Variants in DUSP12 observed in about 807,000 individuals in gnomAD.
DUSP12 encodes dual specificity phosphatase 12.
A neutral mutation model predicts 38.9 loss-of-function variants in DUSP12; 25 were observed. The observed-to-expected ratio is 0.64, with a 90% CI of 0.47 to 0.90. The LOEUF (loss-of-function observed/expected upper bound fraction) is 0.90. Ranked by LOEUF, DUSP12 falls within the 40% of genes least tolerant of loss-of-function variation. The pLI is 0.00. For synonymous variants in DUSP12, 153 were observed against 153.9 expected (o/e 0.99, Z 0.05); for missense variants, 403 against 427.0 (o/e 0.94, Z 0.50).
At chr1:161,756,476 T>A (rs1343948829) in intron 5 of DUSP12, among the ~76,000 whole-genome samples, 1 of 131,752 alleles carries the variant, frequency 7.6e-6, no homozygotes, top group Non-Finnish European at 1.6e-5. Context: ...ACAAACTGAT[T>A]TAAAAGCTAT....
At chr1:161,753,365 A>G in intron 5 of DUSP12, 104 bp downstream of exon 5, 5 of 941,242 alleles carry the variant, frequency 5.3e-6, no homozygotes, top group Non-Finnish European at 6.0e-6. Context: ...CCATTTCTTA[A>G]TTTCTTTATT....
intron 1 of DUSP12, among the ~76,000 whole-genome samples, 157 bp downstream of exon 1, chr1:161,750,302 A>G (rs1478638192): frequency 6.6e-6 from 1 of 152,186 alleles, no homozygotes; most frequent in East Asian, 1.9e-4. Flanking sequence ...CCAAGAGAGG[A>G]GGAGGGTTGA....
chr1:161,753,064 G>T lies in DUSP12; in HGVS notation c.675-11G>T. The T allele has an allele frequency of 6.3e-7, 1 of 1,585,088 alleles. No homozygotes were observed. Among genetic ancestry groups the T allele is most frequent in the Non-Finnish European group, 8.6e-7 (1 of 1,165,044 alleles). On this transcript the variant is annotated splice_polypyrimidine_tract_variant and intron_variant, in intron 4 of 5. Coordinates refer to ENST00000367943, the MANE Select transcript of DUSP12 (RefSeq NM_007240.3). ...AAGTCATTAATGCTTTTGTTTGTTT[G>T]GGGGTTGCAGGCGATCATTATTTCG...
At chr1:161,750,177 C>G in intron 1 of DUSP12, 32 bp downstream of exon 1, 1 of 1,581,702 alleles carries the variant, frequency 6.3e-7, no homozygotes, top group South Asian at 1.1e-5. Flanking sequence ...TGACGTGCCC[C>G]GCCAAGCTTC....
chr1:161,753,431 C>T, intron 5 of DUSP12, 170 bp downstream of exon 5: 1 of 505,804 alleles, frequency 2.0e-6, no homozygotes, highest in Non-Finnish European at 3.1e-6. Context: ...AAATATTTTT[C>T]AAAAACCAGC....
intron 5 of DUSP12, among the ~76,000 whole-genome samples, chr1:161,754,658 A>G (rs1019343171): frequency 2.0e-5 from 3 of 152,156 alleles, no homozygotes; most frequent in Non-Finnish European, 4.4e-5. Flanking sequence ...ACACTTATAA[A>G]ACCATCAGAT....
intron 1 of DUSP12, 111 bp from the exon 2 acceptor site, chr1:161,751,557 A>G: frequency 7.4e-7 from 1 of 1,355,024 alleles, no homozygotes; most frequent in African/African-American, 1.5e-5. Flanking sequence ...TTATTTGAGA[A>G]GCAAAAATGA....
Position 161,756,943 on chromosome 1 carries a change from T to C in DUSP12, c.1019T>C (p.Ile340Thr). 1 of 1,611,524 alleles carries C rather than the reference T, an allele frequency of 6.2e-7. No homozygotes were observed. Among genetic ancestry groups the C allele is most frequent in the South Asian group, 1.1e-5 (1 of 90,804 alleles). Reference protein sequence around the residue: ...LPVLGSQTGKI With the variant: ...LPVLGSQTGKT ...GTTTTGGGATCACAAACAGGAAAAATATGAACATGATATTTTATAGCTTGG... is the reference window on the plus strand; with the variant it reads ...GTTTTGGGATCACAAACAGGAAAAACATGAACATGATATTTTATAGCTTGG... The change falls in exon 6 of 6, where the codon ATA becomes ACA. Residue 340 changes from isoleucine to threonine, a missense_variant. Ile to Thr is a moderately conservative substitution (Grantham distance 89). Coordinates refer to ENST00000367943, the MANE Select transcript of DUSP12 (RefSeq NM_007240.3).
At chr1:161,753,330 G>A in intron 5 of DUSP12, 69 bp downstream of exon 5, 1 of 1,327,286 alleles carries the variant, frequency 7.5e-7, no homozygotes, top group Non-Finnish European at 1.0e-6. Flanking sequence ...TGCATTTTAA[G>A]CTCTATTTTA....
In DUSP12 at chr1:161,749,944, T is replaced by G. The variant is rs752113173; in HGVS notation, c.143T>G (p.Leu48Arg). The change falls in exon 1 of 6, where the codon CTG becomes CGG. Residue 48 changes from leucine (L) to arginine (R), a missense_variant. Physicochemically the swap from Leu to Arg is moderately radical, Grantham distance 102. Coordinates refer to ENST00000367943, the MANE Select transcript of DUSP12 (RefSeq NM_007240.3). ...GCGGCCGTCGCGGAGCCAGATCACC[T>G]GAGGGAAGCGGGCATCACGGCCGTG... is the stretch of plus-strand genomic sequence containing the variant. ...GAAAVAEPDH[L>R]REAGITAVLT... 8 of 1,613,970 alleles carry G rather than the reference T, an allele frequency of 5.0e-6. No individual in the cohort carries two copies. The highest frequency in any genetic ancestry group is 6.8e-6 in the Non-Finnish European group (8 of 1,179,910).
chr1:161,756,962 A>G lies in DUSP12; in HGVS notation c.*15A>G. 1 of 1,607,166 alleles carries G rather than the reference A, an allele frequency of 6.2e-7. No homozygotes were observed. Among genetic ancestry groups the G allele is most frequent in the Non-Finnish European group, 8.5e-7 (1 of 1,174,980 alleles). On this transcript the variant is annotated 3_prime_UTR_variant, in exon 6 of 6. Transcript: ENST00000367943. ...GAAAAATATGAACATGATATTTTAT[A>G]GCTTGGGAAGAAACTTGCAGATGAT... is the stretch of plus-strand genomic sequence containing the variant.
chr1:161,749,819 C>T lies in DUSP12; in HGVS notation c.18C>T (p.Gly6=). The change falls in exon 1 of 6, where the codon GGC becomes GGT. Residue 6 remains glycine (G), a synonymous_variant. Coordinates refer to ENST00000367943, the MANE Select transcript of DUSP12 (RefSeq NM_007240.3). MLEAP[G]PSDGCELSNP... is the part of the protein sequence containing the mutation. ...GCGCGGCCATGTTGGAGGCTCCGGG[C>T]CCGAGTGATGGCTGCGAGCTCAGCA... The T allele has an allele frequency of 1.3e-6, 2 of 1,582,836 alleles. No homozygotes were observed. Among genetic ancestry groups the T allele is most frequent in the Non-Finnish European group, 1.7e-6 (2 of 1,165,286 alleles).
intron 5 of DUSP12, among the ~76,000 whole-genome samples, chr1:161,755,640 T>C (rs1684096384): frequency 6.6e-6 from 1 of 152,230 alleles, no homozygotes; most frequent in African/African-American, 2.4e-5. Flanking sequence ...TTTTCTTTTC[T>C]ATAAATTGCT....
chr1:161,750,090 T>G lies in DUSP12; in HGVS notation c.289T>G (p.Cys97Gly). 1 of 1,613,876 alleles carries G rather than the reference T, an allele frequency of 6.2e-7. No homozygotes were observed. Among genetic ancestry groups the G allele is most frequent in the Non-Finnish European group, 8.5e-7 (1 of 1,179,928 alleles). The change falls in exon 1 of 6, where the codon TGC becomes GGC. Residue 97 changes from cysteine to glycine, a missense_variant. By Grantham distance (159) the Cys-to-Gly change is radical. Transcript: ENST00000367943. Reference protein sequence around the residue: ...ETDLLSHLDRCVAFIGQARAE... With the variant: ...ETDLLSHLDRGVAFIGQARAE... ...GGACCTACTCAGCCATCTGGACCGG[T>G]GCGTGGCCTTCATCGGTCAGGCCCG...
intron 5 of DUSP12, among the ~76,000 whole-genome samples, chr1:161,754,122 A>T (rs1457924987): frequency 6.6e-6 from 1 of 152,218 alleles, no homozygotes; most frequent in Non-Finnish European, 1.5e-5. Context: ...AATGATTTTG[A>T]AAGTTTGTAT....
chr1:161,753,712 A>T (rs1005449746), intron 5 of DUSP12, among the ~76,000 whole-genome samples: 3 of 152,162 alleles, frequency 2.0e-5, no homozygotes, highest in Admixed American at 2.0e-4. Context: ...AAAGTAAAAA[A>T]TTTTTAATAA....
intron 1 of DUSP12, 64 bp downstream of exon 1, chr1:161,750,209 T>C: frequency 6.5e-7 from 1 of 1,545,434 alleles, no homozygotes; most frequent in Non-Finnish European, 8.7e-7. Context: ...CGTCGCCCCT[T>C]ACCTTCCGAG....
Position 161,749,812 on chromosome 1 carries a change from C to T in DUSP12, c.11C>T (p.Ala4Val). 1 of 1,577,134 alleles carries T rather than the reference C, an allele frequency of 6.3e-7. No individual in the cohort carries two copies. The highest frequency in any genetic ancestry group is 8.6e-7 in the Non-Finnish European group (1 of 1,162,474). The change falls in exon 1 of 6, where the codon GCT (alanine) becomes GTT (valine). Residue 4 changes from alanine to valine, a missense_variant. By Grantham distance (64) the Ala-to-Val change is moderately conservative (BLOSUM62 0). Transcript: ENST00000367943. The part of the protein sequence containing the change: MLE[A>V]PGPSDGCELS... The stretch of plus-strand genomic sequence containing the variant: ...TCTCTGGGCGCGGCCATGTTGGAGG[C>T]TCCGGGCCCGAGTGATGGCTGCGAG...
chr1:161,752,487 G>T, intron 4 of DUSP12, 23 bp downstream of exon 4: 1 of 1,465,136 alleles, frequency 6.8e-7, no homozygotes, highest in Non-Finnish European at 9.5e-7. Flanking sequence ...ATATCCTTTG[G>T]ATATTTTATC....
Sources: allele counts gnomAD v4.1 joint callset (sites outside exome capture counted in the v4.1 genomes callset), GRCh38; gene constraint gnomAD v4.1.1; transcripts MANE v1.5; gene names NCBI Gene and HGNC (gene_info 2026-07-23, HGNC 2026-07-21).